Variants in SERPINI1 observed in about 807,000 individuals in gnomAD.
SERPINI1 encodes the protein serpin family I member 1.
A neutral mutation model predicts 41.1 loss-of-function variants in SERPINI1; 19 were observed. That is an observed-to-expected ratio of 0.46 (90% CI 0.32 to 0.68). SERPINI1 has a LOEUF of 0.68. SERPINI1 is among the 30% of genes least tolerant of loss of function. The probability of loss-of-function intolerance (pLI) is 0.03; values close to 1 mark genes in which losing one functional copy is unlikely to be tolerated. For synonymous variants in SERPINI1, 138 were observed against 156.6 expected (o/e 0.88, Z 0.89); for missense variants, 460 against 479.2 (o/e 0.96, Z 0.37).
At chr3:167,775,772 C>A (rs1726948843) in intron 1 of SERPINI1, among the ~76,000 whole-genome samples, 1 of 152,090 alleles carries the variant, frequency 6.6e-6, no homozygotes, top group African/African-American at 2.4e-5. Context: ...AGCTCAGGGG[C>A]TGGCACATAG....
intron 7 of SERPINI1, among the ~76,000 whole-genome samples, 165 bp from the exon 8 acceptor site, chr3:167,824,308 A>G (rs533300355): frequency 1.3e-5 from 2 of 152,314 alleles, no homozygotes; most frequent in South Asian, 4.1e-4. Context: ...GATCAAGTAG[A>G]AATGTTAACA....
intron 1 of SERPINI1, among the ~76,000 whole-genome samples, chr3:167,772,891 TATACACACACACACAC>T (rs1198397412): frequency 1.2e-4 from 9 of 73,690 alleles, no homozygotes; most frequent in Admixed American, 1.6e-4. Flanking sequence ...TATATATATA[TATACACACACACACAC>T]ACACACACAC....
intron 1 of SERPINI1, among the ~76,000 whole-genome samples, chr3:167,779,908 A>C (rs2108550987): frequency 6.6e-6 from 1 of 152,286 alleles, no homozygotes; most frequent in Middle Eastern, 3.4e-3. Flanking sequence ...AGAAAGAGAA[A>C]AAGGAGAAAG....
rs1340114188 is a variant in SERPINI1 at position 167,744,847 on chromosome 3, C to CCA, written c.-19+9024_-19+9025insCA. 5.7e-5 allele frequency among the ~76,000 whole-genome samples: 6 copies of CCA among 104,368 alleles called. 1 individual carries two copies. Among genetic ancestry groups the CCA allele is most frequent in the African/African-American group, 2.1e-4 (5 of 23,300 alleles). The allele number at this position is 104,368 out of a possible 152,430, so 68.5% of individuals were successfully genotyped here. ...TATATAATATATATATTATATATAA[C>CCA]TATAGTTATATATATATATAAATAT... On this transcript the variant is annotated intron_variant, in intron 1 of 8. Coordinates refer to ENST00000446050, the MANE Select transcript of SERPINI1 (RefSeq NM_001122752.2).
Position 167,789,303 on chromosome 3 carries a change from A to C in SERPINI1, c.175A>C (p.Met59Leu). 1 of 1,614,186 alleles carries C rather than the reference A, an allele frequency of 6.2e-7. No homozygotes were observed. The highest frequency in any genetic ancestry group is 2.2e-5 in the East Asian group (1 of 44,876). ...SPLSIALAMG[M>L]MELGAQGSTQ... ...ATTGAGTATTGCTCTTGCAATGGGA[A>C]TGATGGAACTTGGGGCCCAAGGATC... Residue 59 changes from methionine (M) to leucine (L), a missense_variant, in exon 2 of 9, where the codon ATG (methionine) becomes CTG (leucine). Transcript: ENST00000446050.
intron 6 of SERPINI1, among the ~76,000 whole-genome samples, chr3:167,808,422 AAAT>A (rs1360949688): frequency 3.9e-5 from 6 of 152,140 alleles, no homozygotes; most frequent in African/African-American, 1.4e-4. Flanking sequence ...AAGACTGAGT[AAAT>A]AAGTTATATA....
intron 1 of SERPINI1, among the ~76,000 whole-genome samples, chr3:167,780,341 A>T (rs1727082008): frequency 6.6e-6 from 1 of 152,122 alleles, no homozygotes; most frequent in Non-Finnish European, 1.5e-5. Flanking sequence ...TACACACTCC[A>T]ATTTAATTAT....
rs545627041 is a variant in SERPINI1 at position 167,806,826 on chromosome 3, G to A, written c.882-418G>A. On this transcript the variant is annotated intron_variant, in intron 5 of 8. Coordinates refer to ENST00000446050, the MANE Select transcript of SERPINI1 (RefSeq NM_001122752.2). Reference sequence around the variant, plus strand: ...ACTAAGAAGAGAATGAAATAACCGAGGTAAATGTATGATTAGTCATCTCCA... The same window carrying A: ...ACTAAGAAGAGAATGAAATAACCGAAGTAAATGTATGATTAGTCATCTCCA... Among the ~76,000 whole-genome samples the A allele has an allele frequency of 2.3e-4, 34 of 150,790 alleles. No homozygotes were observed. The South Asian group carries it at 3.6e-3, about 16-fold the overall frequency.
Position 167,825,324 on chromosome 3 carries a change from GT to G in SERPINI1, c.*3del. The G allele has an allele frequency of 6.2e-7, 1 of 1,600,976 alleles. No individual in the cohort carries two copies. The highest frequency in any genetic ancestry group is 1.1e-5 in the South Asian group (1 of 90,828). On this transcript the variant is annotated 3_prime_UTR_variant, in exon 9 of 9. Coordinates refer to ENST00000446050, the MANE Select transcript of SERPINI1 (RefSeq NM_001122752.2). The stretch of plus-strand genomic sequence containing the variant: ...TGGACATGATTTCGAAGAACTTTAA[GT>G]TACTTTATTTGAATAACAAGGAAAA...
chr3:167,750,834 CTTT>C (rs1726018975), intron 1 of SERPINI1, among the ~76,000 whole-genome samples: 1 of 152,054 alleles, frequency 6.6e-6, no homozygotes, highest in Non-Finnish European at 1.5e-5. Flanking sequence ...AACCAGAATA[CTTT>C]GTGTATTTCT....
In SERPINI1 at chr3:167,822,985, G is replaced by A; in HGVS notation, c.980-1G>A. 1 of 1,581,474 alleles carries A rather than the reference G, an allele frequency of 6.3e-7. No homozygotes were observed. Among genetic ancestry groups the A allele is most frequent in the Non-Finnish European group, 8.7e-7 (1 of 1,150,562 alleles). Reference sequence around the variant, plus strand: ...AAAAATTTCTGATTCTCTTTTTGCAGATAATAAGGAGATTTTTCTTTCCAA... The same window carrying A: ...AAAAATTTCTGATTCTCTTTTTGCAAATAATAAGGAGATTTTTCTTTCCAA... On this transcript the variant is annotated splice_acceptor_variant, in intron 6 of 8. Transcript: ENST00000446050. LOFTEE classifies it high-confidence loss of function.
chr3:167,821,872 A>G (rs1424330118), intron 6 of SERPINI1, among the ~76,000 whole-genome samples: 1 of 152,202 alleles, frequency 6.6e-6, no homozygotes, highest in Admixed American at 6.5e-5. Context: ...GATGCTCAAA[A>G]TCTTCAGGTA....
intron 1 of SERPINI1, among the ~76,000 whole-genome samples, chr3:167,772,885 TATATATATACACACACACACACAC>T (rs1441215327): frequency 0.011 from 849 of 74,104 alleles, 20 homozygotes; most frequent in Admixed American, 0.032. Flanking sequence ...TATATATATA[TATATATATACACACACACACACAC>T]ACACACACAC....
chr3:167,819,877 G>C (rs552590686), intron 6 of SERPINI1, among the ~76,000 whole-genome samples: 5 of 152,292 alleles, frequency 3.3e-5, no homozygotes, highest in Non-Finnish European at 7.3e-5. Context: ...AATTGAAAGA[G>C]GGGTTATAAA....
At chr3:167,799,200 A>C (rs1423101027) in intron 5 of SERPINI1, among the ~76,000 whole-genome samples, 1 of 151,822 alleles carries the variant, frequency 6.6e-6, no homozygotes, top group Non-Finnish European at 1.5e-5. Flanking sequence ...CAAGGCCCCA[A>C]CCCTCCAACA....
intron 6 of SERPINI1, among the ~76,000 whole-genome samples, chr3:167,822,488 A>G (rs1185338055): frequency 6.6e-6 from 1 of 152,208 alleles, no homozygotes; most frequent in Admixed American, 6.5e-5. Flanking sequence ...TAACTTTTTC[A>G]TAAATTTACA....
chr3:167,814,379 C>G (rs1206452595), intron 6 of SERPINI1, among the ~76,000 whole-genome samples: 2 of 152,128 alleles, frequency 1.3e-5, no homozygotes, highest in East Asian at 3.8e-4. Context: ...AAACATTATT[C>G]CTATCGTAAG....
At chr3:167,815,760 A>C (rs1374773933) in intron 6 of SERPINI1, among the ~76,000 whole-genome samples, 1 of 152,138 alleles carries the variant, frequency 6.6e-6, no homozygotes, top group East Asian at 1.9e-4. Flanking sequence ...TGATTGTCTT[A>C]AGGTCTCATT....
chr3:167,771,373 C>T (rs1466942879), intron 1 of SERPINI1, among the ~76,000 whole-genome samples: 2 of 151,864 alleles, frequency 1.3e-5, no homozygotes, highest in Admixed American at 6.6e-5. Context: ...AAATAGTATC[C>T]AACATATGCT....
Sources: allele counts gnomAD v4.1 joint callset (sites outside exome capture counted in the v4.1 genomes callset), GRCh38; gene constraint gnomAD v4.1.1; transcripts MANE v1.5; gene names NCBI Gene and HGNC (gene_info 2026-07-23, HGNC 2026-07-21).